The following VPS13B variants were observed in gnomAD, a reference collection of about 807,000 sequenced individuals.
VPS13B encodes the protein vacuolar protein sorting 13 homolog B.
Under a neutral mutation model 426.4 loss-of-function variants are expected in VPS13B, and 285 were observed. That is an observed-to-expected ratio of 0.67 (90% CI 0.61 to 0.74). The LOEUF is 0.74. Ranked by LOEUF, VPS13B falls within the 30% of genes least tolerant of loss-of-function variation. VPS13B has a pLI of 0.00. For synonymous variants in VPS13B, 1,676 were observed against 1,676.4 expected, an observed-to-expected ratio of 1.00 and a Z score of 0.01; for missense variants, 4,537 against 4,782.6, an observed-to-expected ratio of 0.95 and a Z score of 1.51.
At chr8:99,549,472 A>G (rs750335366) in intron 30 of VPS13B, among the ~76,000 whole-genome samples, 4 of 152,036 alleles carry the variant, frequency 2.6e-5, no homozygotes, top group Non-Finnish European at 1.5e-5. Flanking sequence ...TGAAGTTTTT[A>G]TGATGTGATG....
At chr8:99,733,736 A>T (rs1025022103) in intron 39 of VPS13B, among the ~76,000 whole-genome samples, 1 of 152,190 alleles carries the variant, frequency 6.6e-6, no homozygotes, top group Non-Finnish European at 1.5e-5. Flanking sequence ...TAAAAATTCA[A>T]TACCTAGTTA....
intron 2 of VPS13B, among the ~76,000 whole-genome samples, chr8:99,020,628 A>G (rs1730146734): frequency 6.6e-6 from 1 of 152,158 alleles, no homozygotes; most frequent in South Asian, 2.1e-4. Flanking sequence ...AGTATAAGGT[A>G]GTGTTGCAAC....
At chr8:99,482,720 C>CA (rs1482977239) in intron 25 of VPS13B, among the ~76,000 whole-genome samples, 2 of 151,932 alleles carry the variant, frequency 1.3e-5, no homozygotes, top group Non-Finnish European at 2.9e-5. Flanking sequence ...TGAAATCATG[C>CA]AAAAATGAAG....
chr8:99,316,827 T>A (rs901753148), intron 19 of VPS13B, among the ~76,000 whole-genome samples: 2 of 152,324 alleles, frequency 1.3e-5, no homozygotes, highest in East Asian at 1.9e-4. Flanking sequence ...AGCCCCTGTC[T>A]TGTGGCTTTA....
At chr8:99,300,582 C>T (rs1480189709) in intron 19 of VPS13B, among the ~76,000 whole-genome samples, 1 of 152,156 alleles carries the variant, frequency 6.6e-6, no homozygotes, top group Non-Finnish European at 1.5e-5. Flanking sequence ...CAGGTTTCCA[C>T]GTCCTTACTT....
At chr8:99,160,385 A>T (rs1023170916) in intron 15 of VPS13B, among the ~76,000 whole-genome samples, 1 of 152,194 alleles carries the variant, frequency 6.6e-6, no homozygotes, top group Non-Finnish European at 1.5e-5. Flanking sequence ...CTGGCTGGGT[A>T]TCGTGGCTAA....
At chr8:99,517,235 A>G (rs1003088464) in intron 29 of VPS13B, among the ~76,000 whole-genome samples, 1 of 152,320 alleles carries the variant, frequency 6.6e-6, no homozygotes, top group East Asian at 1.9e-4. Context: ...TCAGGTTGGA[A>G]TTAAGAAAAG....
At chr8:99,360,206 CTCTCTTTCTT>C (rs1250191157) in intron 19 of VPS13B, among the ~76,000 whole-genome samples, 1,254 of 34,722 alleles carry the variant, frequency 0.036, 88 homozygotes, top group African/African-American at 0.061. Flanking sequence ...CTCTCTCTCT[CTCTCTTTCTT>C]TCTTTCTTTC....
intron 21 of VPS13B, among the ~76,000 whole-genome samples, chr8:99,428,479 G>C (rs1816867602): frequency 6.6e-6 from 1 of 152,202 alleles, no homozygotes; most frequent in Non-Finnish European, 1.5e-5. Context: ...CGAAGGATAT[G>C]AGCAGACACT....
intron 17 of VPS13B, among the ~76,000 whole-genome samples, chr8:99,267,729 AAAAAAAG>A (rs371628830): frequency 0.011 from 1,622 of 152,012 alleles, 12 homozygotes; most frequent in South Asian, 0.016. Context: ...CCGTCAAAAA[AAAAAAAG>A]AAAAAAGAAA....
chr8:99,486,539 A>G (rs1260907847), intron 25 of VPS13B, among the ~76,000 whole-genome samples: 1 of 152,108 alleles, frequency 6.6e-6, no homozygotes, highest in Non-Finnish European at 1.5e-5. Context: ...TCATGCCACC[A>G]CTTTCACCTC....
At chr8:99,105,125 AG>A (rs1261432555) in intron 5 of VPS13B, among the ~76,000 whole-genome samples, 1 of 152,212 alleles carries the variant, frequency 6.6e-6, no homozygotes, top group African/African-American at 2.4e-5. Context: ...GTGTTTTCTA[AG>A]CTTTAGTCTT....
intron 37 of VPS13B, among the ~76,000 whole-genome samples, chr8:99,718,106 G>T (rs1441830310): frequency 1.3e-5 from 2 of 151,810 alleles, no homozygotes; most frequent in Admixed American, 6.6e-5. Context: ...TTGAGACAGG[G>T]TCTTCCTCTG....
chr8:99,416,008 C>T (rs999350054), intron 21 of VPS13B, among the ~76,000 whole-genome samples: 8 of 152,226 alleles, frequency 5.3e-5, no homozygotes, highest in African/African-American at 1.9e-4. Flanking sequence ...GCTGATGCTG[C>T]GCCCACAGCC....
At chr8:99,480,109 C>G (rs1440384928) in intron 24 of VPS13B, among the ~76,000 whole-genome samples, 1 of 152,132 alleles carries the variant, frequency 6.6e-6, no homozygotes, top group Non-Finnish European at 1.5e-5. Flanking sequence ...TTCATTGTGG[C>G]TTTACTTGGC....
chr8:99,740,062 TAA>T (rs1563891706), intron 39 of VPS13B, among the ~76,000 whole-genome samples: 3 of 152,000 alleles, frequency 2.0e-5, no homozygotes, highest in African/African-American at 7.3e-5. Flanking sequence ...GCACAGAAGC[TAA>T]AAACCTTGCA....
intron 54 of VPS13B, among the ~76,000 whole-genome samples, chr8:99,843,964 C>G (rs570136777): frequency 6.6e-6 from 1 of 152,314 alleles, no homozygotes. Context: ...TGCTTACTTG[C>G]TTCCTTCCTC....
At chr8:99,343,211 A>G (rs559283926) in intron 19 of VPS13B, among the ~76,000 whole-genome samples, 1 of 151,698 alleles carries the variant, frequency 6.6e-6, no homozygotes, top group African/African-American at 2.4e-5. Context: ...TTCCTGCCTC[A>G]GCCTCCTGAG....
At chr8:99,589,246 G>A (rs1022055060) in intron 33 of VPS13B, among the ~76,000 whole-genome samples, 5 of 151,614 alleles carry the variant, frequency 3.3e-5, no homozygotes, top group African/African-American at 7.3e-5. Flanking sequence ...GGGTACATGT[G>A]CACAACGTGC....
Sources: allele counts gnomAD v4.1 joint callset (sites outside exome capture counted in the v4.1 genomes callset), GRCh38; gene constraint gnomAD v4.1.1; transcripts MANE v1.5; gene names NCBI Gene and HGNC (gene_info 2026-07-23, HGNC 2026-07-21).